SMAP1: variants seen among roughly 807,000 people sequenced by gnomAD.
SMAP1 encodes small ArfGAP 1.
Under a neutral mutation model 58.5 loss-of-function variants are expected in SMAP1, and 24 were observed. The ratio of observed to expected loss-of-function variants is 0.41; its 90% CI spans 0.30 to 0.58. The LOEUF (loss-of-function observed/expected upper bound fraction) is 0.58. SMAP1 is among the 20% of genes least tolerant of loss of function. SMAP1 has a pLI of 0.29. For missense variants in SMAP1, 563 were observed against 566.3 expected, an observed-to-expected ratio of 0.99 and a Z score of 0.06; for synonymous variants, 216 against 196.6, an observed-to-expected ratio of 1.10 and a Z score of -0.82.
intron 6 of SMAP1, among the ~76,000 whole-genome samples, chr6:70,822,302 T>A (rs541379656): frequency 6.6e-6 from 1 of 152,180 alleles, no homozygotes; most frequent in East Asian, 1.9e-4. Flanking sequence ...GCTCTTTAAA[T>A]ATATTATTTC....
chr6:70,832,728 C>A (rs963464522), intron 6 of SMAP1, among the ~76,000 whole-genome samples: 3 of 152,150 alleles, frequency 2.0e-5, no homozygotes, highest in Non-Finnish European at 2.9e-5. Flanking sequence ...CAAGAGGGGG[C>A]CGAAATTGTT....
rs545057807 is a variant in SMAP1 at position 70,840,577 on chromosome 6, G to T, written c.664+3549G>T. Among the ~76,000 whole-genome samples, 94 of 152,230 alleles carry T rather than the reference G, an allele frequency of 6.2e-4. 2 individuals carry two copies. In the South Asian group the frequency reaches 0.018, roughly 29 times the overall value. ...AAATGAATGAGCATGCTTGTGTTCC[G>T]ATCATGCTTGTGTTCCTATCAACTG... On this transcript the variant is annotated intron_variant, in intron 7 of 10. Transcript: ENST00000370455.
intron 1 of SMAP1, among the ~76,000 whole-genome samples, chr6:70,679,019 TG>T (rs1320059807): frequency 1.3e-5 from 2 of 151,508 alleles, no homozygotes; most frequent in Non-Finnish European, 2.9e-5. Context: ...CTAGATTTTT[TG>T]TTTTTTTTTT....
At chr6:70,814,345 G>A (rs1769522724) in intron 6 of SMAP1, among the ~76,000 whole-genome samples, 1 of 152,138 alleles carries the variant, frequency 6.6e-6, no homozygotes, top group Non-Finnish European at 1.5e-5. Context: ...TTGAAAATCA[G>A]TCTTATCACT....
chr6:70,829,089 G>A (rs553403025), intron 6 of SMAP1, among the ~76,000 whole-genome samples: 1 of 152,252 alleles, frequency 6.6e-6, no homozygotes, highest in African/African-American at 2.4e-5. Flanking sequence ...AAAAGTTAAT[G>A]TCACTACCTT....
chr6:70,759,815 A>T (rs754550231), intron 3 of SMAP1: 34 of 424,948 alleles, frequency 8.0e-5, no homozygotes, highest in Non-Finnish European at 8.1e-5. Context: ...TAAATCCTTG[A>T]CGTTCGACAC....
At chr6:70,685,696 A>G (rs1440010521) in intron 1 of SMAP1, among the ~76,000 whole-genome samples, 1 of 152,194 alleles carries the variant, frequency 6.6e-6, no homozygotes, top group African/African-American at 2.4e-5. Context: ...ACAAAGGGAC[A>G]ATTGTTGATT....
At chr6:70,757,428 C>G (rs1008714843) in intron 3 of SMAP1, among the ~76,000 whole-genome samples, 88 of 152,036 alleles carry the variant, frequency 5.8e-4, no homozygotes, top group African/African-American at 2.1e-3. Context: ...AGAAGAAAAC[C>G]TAGGCATCAC....
chr6:70,683,364 G>A lies in SMAP1; in HGVS notation c.118+15223G>A, dbSNP rs574183894. Among the ~76,000 whole-genome samples the A allele has an allele frequency of 2.0e-5, 3 of 151,764 alleles. No homozygotes were observed. In the South Asian group the frequency reaches 6.3e-4, roughly 32 times the overall value. ...TTTTTTTGTATTTTTAGTAGACGGG[G>A]TTTCATCATCTTGACCAGGCTGGTC... On this transcript the variant is annotated intron_variant, in intron 1 of 10. Coordinates refer to ENST00000370455, the MANE Select transcript of SMAP1 (RefSeq NM_001044305.3).
intron 7 of SMAP1, among the ~76,000 whole-genome samples, chr6:70,849,514 A>G (rs1270268745): frequency 1.3e-5 from 2 of 152,200 alleles, no homozygotes; most frequent in Admixed American, 6.5e-5. Context: ...CAGTGAAGGG[A>G]CATGAGCTGT....
At chr6:70,833,259 G>C (rs759465697) in intron 6 of SMAP1, among the ~76,000 whole-genome samples, 17 of 152,138 alleles carry the variant, frequency 1.1e-4, no homozygotes, top group Non-Finnish European at 1.6e-4. Flanking sequence ...CAGTGAAGAA[G>C]AGTATCATCT....
chr6:70,728,430 A>G (rs765824249), intron 1 of SMAP1, among the ~76,000 whole-genome samples: 39 of 152,350 alleles, frequency 2.6e-4, no homozygotes, highest in Non-Finnish European at 4.6e-4. Flanking sequence ...GATTTTTGCC[A>G]TAATTTTCAG....
chr6:70,740,803 C>T (rs1339930750), intron 2 of SMAP1, among the ~76,000 whole-genome samples: 1 of 152,114 alleles, frequency 6.6e-6, no homozygotes. Flanking sequence ...TGGGTAATTT[C>T]TAAAGAAAAA....
At chr6:70,859,276 G>A in intron 10 of SMAP1, 1 of 1,346,758 alleles carries the variant, frequency 7.4e-7, no homozygotes, top group South Asian at 1.4e-5. Flanking sequence ...ACCCAGCTCA[G>A]GTTAAGGTGC....
At chr6:70,671,648 C>T (rs1766271254) in intron 1 of SMAP1, among the ~76,000 whole-genome samples, 1 of 152,180 alleles carries the variant, frequency 6.6e-6, no homozygotes, top group African/African-American at 2.4e-5. Context: ...CCACTATCCC[C>T]TCTCCCCAGC....
chr6:70,830,348 T>C (rs1329023349), intron 6 of SMAP1, among the ~76,000 whole-genome samples: 1 of 152,188 alleles, frequency 6.6e-6, no homozygotes, highest in African/African-American at 2.4e-5. Context: ...AGGTATTAAT[T>C]TACTGTTATC....
chr6:70,691,121 T>A (rs1767147153), intron 1 of SMAP1, among the ~76,000 whole-genome samples: 1 of 152,230 alleles, frequency 6.6e-6, no homozygotes, highest in South Asian at 2.1e-4. Context: ...TATTCCTTTA[T>A]TGTATCTGTA....
At chr6:70,732,607 G>GTT (rs1765473927) in intron 2 of SMAP1, 96 bp downstream of exon 2, 3 of 1,109,080 alleles carry the variant, frequency 2.7e-6, no homozygotes, top group Non-Finnish European at 3.5e-6. Flanking sequence ...TTGAAAAGTA[G>GTT]TTTTGTATGT....
At chr6:70,770,188 C>T (rs1420441349) in intron 3 of SMAP1, among the ~76,000 whole-genome samples, 1 of 151,558 alleles carries the variant, frequency 6.6e-6, no homozygotes, top group Non-Finnish European at 1.5e-5. Context: ...AACATTTTTT[C>T]CTGCATTTCA....
Sources: gnomAD v4.1 joint callset for allele counts (sites outside exome capture counted in the v4.1 genomes callset) on GRCh38, gnomAD v4.1.1 for gene constraint, MANE v1.5 for transcripts, NCBI Gene and HGNC (gene_info 2026-07-23, HGNC 2026-07-21) for gene names.